Variants in EDIL3 observed in about 807,000 individuals in gnomAD.
The protein encoded by EDIL3 is EGF like and discoidin domains 3.
A neutral mutation model predicts 67.4 loss-of-function variants in EDIL3; 37 were observed. That is an observed-to-expected ratio of 0.55 (90% CI 0.42 to 0.72). The LOEUF is 0.72. Ranked by LOEUF, EDIL3 falls within the 30% of genes least tolerant of loss-of-function variation. The probability of loss-of-function intolerance (pLI) is 0.00; values close to 1 mark genes in which losing one functional copy is unlikely to be tolerated. For synonymous variants in EDIL3, 195 were observed against 196.3 expected (o/e 0.99, Z 0.05); for missense variants, 527 against 586.3 (o/e 0.90, Z 1.04).
At chr5:84,207,711 G>A (rs1744015327) in intron 3 of EDIL3, among the ~76,000 whole-genome samples, 1 of 151,880 alleles carries the variant, frequency 6.6e-6, no homozygotes, top group Admixed American at 6.6e-5. Flanking sequence ...CTAGATCAAT[G>A]GAACAGAACA....
At chr5:84,025,618 C>T (rs1745797365) in intron 9 of EDIL3, among the ~76,000 whole-genome samples, 1 of 152,150 alleles carries the variant, frequency 6.6e-6, no homozygotes, top group Non-Finnish European at 1.5e-5. Context: ...AAATTGGTCC[C>T]TGGTACCAAA....
intron 9 of EDIL3, among the ~76,000 whole-genome samples, chr5:84,000,341 C>A (rs1189037828): frequency 6.6e-6 from 1 of 151,980 alleles, no homozygotes; most frequent in African/African-American, 2.4e-5. Flanking sequence ...ATACCTATGA[C>A]CACTTTTAAA....
chr5:84,383,631 G>C (rs116711213), intron 1 of EDIL3, among the ~76,000 whole-genome samples: 2,258 of 152,266 alleles, frequency 0.015, 49 homozygotes, highest in African/African-American at 0.051. Context: ...GAGGGGGTGC[G>C]CAGCTAAGCT....
At chr5:84,308,231 A>G (rs1200067866) in intron 1 of EDIL3, among the ~76,000 whole-genome samples, 1 of 152,154 alleles carries the variant, frequency 6.6e-6, no homozygotes, top group East Asian at 1.9e-4. Flanking sequence ...TCTTTATTAC[A>G]AATAAATTAT....
intron 6 of EDIL3, among the ~76,000 whole-genome samples, chr5:84,083,418 C>A (rs1194411857): frequency 6.6e-6 from 1 of 152,036 alleles, no homozygotes; most frequent in Non-Finnish European, 1.5e-5. Context: ...CACTGAAGGG[C>A]AAAATTTCCT....
At chr5:84,347,849 A>T (rs1580092802) in intron 1 of EDIL3, among the ~76,000 whole-genome samples, 1 of 151,894 alleles carries the variant, frequency 6.6e-6, no homozygotes, top group Non-Finnish European at 1.5e-5. Flanking sequence ...ACACATTCAT[A>T]TTTTTTTTGC....
intron 1 of EDIL3, among the ~76,000 whole-genome samples, chr5:84,355,970 C>T (rs1181610636): frequency 2.0e-5 from 3 of 152,056 alleles, no homozygotes; most frequent in African/African-American, 4.8e-5. Context: ...CCTTTCATTC[C>T]GTTAAAGTGA....
At chr5:84,020,091 AC>A (rs1394732079) in intron 9 of EDIL3, among the ~76,000 whole-genome samples, 9 of 147,944 alleles carry the variant, frequency 6.1e-5, no homozygotes, top group Admixed American at 2.7e-4. Context: ...AAAAAAAAAA[AC>A]GCAACAAACA....
chr5:84,207,883 T>C (rs1437081903), intron 3 of EDIL3, among the ~76,000 whole-genome samples: 30 of 152,140 alleles, frequency 2.0e-4, no homozygotes, highest in African/African-American at 6.7e-4. Flanking sequence ...TTACACCTTA[T>C]ACAAAAATTA....
At chr5:84,301,886 C>T (rs1375652788) in intron 1 of EDIL3, among the ~76,000 whole-genome samples, 3 of 151,970 alleles carry the variant, frequency 2.0e-5, no homozygotes, top group South Asian at 2.1e-4. Flanking sequence ...TATATTTTTG[C>T]GTGATTTTTT....
chr5:84,203,990 T>C (rs908139681), intron 3 of EDIL3, among the ~76,000 whole-genome samples: 1 of 152,220 alleles, frequency 6.6e-6, no homozygotes, highest in African/African-American at 2.4e-5. Context: ...AAACAGCTTT[T>C]GATTTACCTG....
chr5:83,988,278 TA>T (rs1745090861), intron 9 of EDIL3, among the ~76,000 whole-genome samples: 2 of 152,172 alleles, frequency 1.3e-5, no homozygotes, highest in Non-Finnish European at 2.9e-5. Context: ...TACTGACACA[TA>T]AAAGAAAACT....
intron 1 of EDIL3, among the ~76,000 whole-genome samples, chr5:84,277,481 A>T (rs1291832687): frequency 6.6e-6 from 1 of 152,138 alleles, no homozygotes; most frequent in African/African-American, 2.4e-5. Context: ...TTGCTATTTT[A>T]TATTATATTA....
chr5:84,261,586 T>C (rs902739889), intron 1 of EDIL3, among the ~76,000 whole-genome samples: 1 of 152,186 alleles, frequency 6.6e-6, no homozygotes, highest in Non-Finnish European at 1.5e-5. Flanking sequence ...TTTGGAAGTA[T>C]ACAGAAGGAA....
intron 1 of EDIL3, among the ~76,000 whole-genome samples, chr5:84,357,417 A>G (rs1747509235): frequency 6.6e-6 from 1 of 152,148 alleles, no homozygotes; most frequent in Non-Finnish European, 1.5e-5. Flanking sequence ...TATGAAAGAA[A>G]ATTCTCCCAC....
chr5:84,268,137 C>CAATAAATA lies in EDIL3; in HGVS notation c.68-13933_68-13926dup, dbSNP rs541817411. ...GGGTGACAGAGTGAGATCTCGTCTC[C>CAATAAATA]AATAAATAAATAAATAAATAAATAA... On this transcript the variant is annotated intron_variant, in intron 1 of 10. Transcript: ENST00000296591. Among the ~76,000 whole-genome samples, 271 of 151,234 alleles carry CAATAAATA rather than the reference C, an allele frequency of 1.8e-3. 1 individual carries two copies. Among genetic ancestry groups the CAATAAATA allele is most frequent in the African/African-American group, 6.3e-3 (258 of 41,092 alleles).
intron 6 of EDIL3, among the ~76,000 whole-genome samples, chr5:84,095,117 CT>C (rs1747240961): frequency 6.6e-6 from 1 of 152,084 alleles, no homozygotes; most frequent in Admixed American, 6.6e-5. Flanking sequence ...TATATTTTTA[CT>C]GTAACTCAGG....
At chr5:84,235,527 A>T (rs191948884) in intron 2 of EDIL3, among the ~76,000 whole-genome samples, 3 of 152,100 alleles carry the variant, frequency 2.0e-5, no homozygotes, top group African/African-American at 4.8e-5. Context: ...AATTTTTATT[A>T]GTCTCTCCCA....
At chr5:84,160,396 C>G (rs1748581346) in intron 4 of EDIL3, among the ~76,000 whole-genome samples, 2 of 152,038 alleles carry the variant, frequency 1.3e-5, no homozygotes, top group Non-Finnish European at 2.9e-5. Context: ...TGTTTTTAAG[C>G]ATAAAACCAT....
Sources: gnomAD v4.1 joint callset for allele counts (sites outside exome capture counted in the v4.1 genomes callset) on GRCh38, gnomAD v4.1.1 for gene constraint, MANE v1.5 for transcripts, NCBI Gene and HGNC (gene_info 2026-07-23, HGNC 2026-07-21) for gene names.